Variants in CARMIL1 observed in about 807,000 individuals in gnomAD.
CARMIL1 encodes capping protein regulator and myosin 1 linker 1, also known as F-actin-uncapping protein LRRC16A.
Under a neutral mutation model 177.1 loss-of-function variants are expected in CARMIL1, and 90 were observed. That is an observed-to-expected ratio of 0.51 (90% CI 0.43 to 0.61). The LOEUF (loss-of-function observed/expected upper bound fraction) is 0.61, where lower values mean the gene tolerates loss of function less well. Among genes scored for constraint, CARMIL1 ranks in the 20% least tolerant of loss-of-function variants. CARMIL1 has a pLI of 0.00. For synonymous variants in CARMIL1, 577 were observed against 606.2 expected (o/e 0.95, Z 0.71); for missense variants, 1,380 against 1,667.0 (o/e 0.83, Z 3.00).
intron 2 of CARMIL1, among the ~76,000 whole-genome samples, chr6:25,365,852 C>T (rs1356188833): frequency 1.3e-5 from 2 of 152,182 alleles, no homozygotes; most frequent in African/African-American, 4.8e-5. Flanking sequence ...AGCCACCATG[C>T]CTGACCATAA....
At chr6:25,574,626 T>TA (rs1372176281) in intron 29 of CARMIL1, among the ~76,000 whole-genome samples, 1 of 152,256 alleles carries the variant, frequency 6.6e-6, no homozygotes, top group Non-Finnish European at 1.5e-5. Flanking sequence ...TGTTCAAACA[T>TA]ACGTGTATTC....
At chr6:25,442,468 A>ATGTGTGTGTGTGTGTGTGTATG (rs5875041) in intron 5 of CARMIL1, among the ~76,000 whole-genome samples, 58 of 148,984 alleles carry the variant, frequency 3.9e-4, no homozygotes, top group African/African-American at 1.4e-3. Flanking sequence ...GTGTGTGTGT[A>ATGTGTGTGTGTGTGTGTGTATG]TGTGTGTGTG....
intron 2 of CARMIL1, among the ~76,000 whole-genome samples, chr6:25,307,144 G>A (rs1012683827): frequency 4.6e-5 from 7 of 152,186 alleles, no homozygotes; most frequent in African/African-American, 1.7e-4. Context: ...GTCTCCCAAA[G>A]TGCTGGGATT....
intron 13 of CARMIL1, among the ~76,000 whole-genome samples, chr6:25,489,854 T>C (rs922528920): frequency 9.2e-5 from 14 of 152,108 alleles, no homozygotes; most frequent in African/African-American, 2.7e-4. Flanking sequence ...TTCATAAATC[T>C]GCTCCCCCCC....
At chr6:25,313,174 A>C (rs1783974293) in intron 2 of CARMIL1, among the ~76,000 whole-genome samples, 1 of 151,764 alleles carries the variant, frequency 6.6e-6, no homozygotes, top group African/African-American at 2.4e-5. Context: ...CATAGTAAAC[A>C]CAGTTATCTT....
chr6:25,513,569 T>A (rs1805659619), intron 20 of CARMIL1, among the ~76,000 whole-genome samples: 1 of 152,228 alleles, frequency 6.6e-6, no homozygotes, highest in Non-Finnish European at 1.5e-5. Context: ...TGCATAATGA[T>A]GCTTTGTTGA....
chr6:25,391,042 A>G (rs1217991768), intron 2 of CARMIL1, among the ~76,000 whole-genome samples: 3 of 152,246 alleles, frequency 2.0e-5, no homozygotes, highest in African/African-American at 7.2e-5. Flanking sequence ...CAAGCTTGTG[A>G]AAAAACTTTA....
rs1216063355 is a variant in CARMIL1 at position 25,438,218 on chromosome 6, ACTAGTACACAT to A, written c.371+2616_371+2626del. 3.3e-5 allele frequency among the ~76,000 whole-genome samples: 5 copies of A among 152,310 alleles called. No homozygotes were observed. The South Asian group carries it at 1.0e-3, about 32-fold the overall frequency. On this transcript the variant is annotated intron_variant, in intron 5 of 36. Coordinates refer to ENST00000329474, the MANE Select transcript of CARMIL1 (RefSeq NM_017640.6). ...CAAAGAACTTTGGATCACTTCCTGC[ACTAGTACACAT>A]CATACTGTGTTGTAAGTGCTTGTTC...
chr6:25,315,645 T>C (rs78157472), intron 2 of CARMIL1, among the ~76,000 whole-genome samples: 11,515 of 152,332 alleles, frequency 0.076, 793 homozygotes, highest in East Asian at 0.38. Context: ...ATTCTTTCTA[T>C]GACAAAATGC....
At chr6:25,460,122 G>A (rs934614299) in intron 8 of CARMIL1, among the ~76,000 whole-genome samples, 1 of 152,210 alleles carries the variant, frequency 6.6e-6, no homozygotes, top group Non-Finnish European at 1.5e-5. Context: ...GGAAGGATCT[G>A]TCCTGCCATA....
At chr6:25,539,419 T>C (rs1322512191) in intron 25 of CARMIL1, among the ~76,000 whole-genome samples, 1 of 151,696 alleles carries the variant, frequency 6.6e-6, no homozygotes, top group Non-Finnish European at 1.5e-5. Flanking sequence ...ACAGAAGTGT[T>C]GTGAGTAAAA....
intron 2 of CARMIL1, among the ~76,000 whole-genome samples, chr6:25,339,179 C>A (rs1269079287): frequency 1.3e-5 from 2 of 152,130 alleles, no homozygotes; most frequent in Non-Finnish European, 2.9e-5. Flanking sequence ...TCATACACAC[C>A]CACTATCTCC....
Position 25,313,683 on chromosome 6 carries a change from G to GCATGTATATATATATATATATATATA in CARMIL1, c.138+28774_138+28775insCATGTATATATATATATATATATATA. Among the ~76,000 whole-genome samples, 4 of 133,862 alleles carry GCATGTATATATATATATATATATATA rather than the reference G, an allele frequency of 3.0e-5. No individual in the cohort carries two copies. The South Asian group carries it at 1.1e-3, about 35-fold the overall frequency. 87.8% of individuals were successfully genotyped at this position (133,862 alleles called of 152,430 possible). A position where few individuals can be genotyped will look rare whatever the true frequency, so the allele number is the denominator to read the frequency against. On this transcript the variant is annotated intron_variant, in intron 2 of 36. Transcript: ENST00000329474. ...TAAAGATCTTTACCCAGGGAAGGCT[G>GCATGTATATATATATATATATATATA]TATATATACAGTTATTTGGGAGAAA... is the stretch of plus-strand genomic sequence containing the variant.
At chr6:25,424,172 T>G (rs2150712812) in intron 3 of CARMIL1, among the ~76,000 whole-genome samples, 1 of 152,300 alleles carries the variant, frequency 6.6e-6, no homozygotes, top group East Asian at 1.9e-4. Flanking sequence ...CAGGATCTGC[T>G]CCTTTTAGTT....
At chr6:25,399,449 G>A (rs1221532649) in intron 2 of CARMIL1, among the ~76,000 whole-genome samples, 1 of 152,192 alleles carries the variant, frequency 6.6e-6, no homozygotes, top group African/African-American at 2.4e-5. Context: ...TTTATGTTTG[G>A]TGACTGGATA....
chr6:25,498,913 C>CAAAGGACACTGTTTTAGAATA (rs1410902339), intron 16 of CARMIL1, among the ~76,000 whole-genome samples: 12 of 152,162 alleles, frequency 7.9e-5, no homozygotes, highest in African/African-American at 2.9e-4. Context: ...CAGTCTTTCT[C>CAAAGGACACTGTTTTAGAATA]AAAGGACACT....
Position 25,577,139 on chromosome 6 carries a change from T to G in CARMIL1, c.2743-3785T>G. ...AGATCCTGAATGAAATAGGCAACAA[T>G]TTAGAGACAAGATTGGATTTTGCAA... is the stretch of plus-strand genomic sequence containing the variant. On this transcript the variant is annotated intron_variant, in intron 29 of 36. Coordinates refer to ENST00000329474, the MANE Select transcript of CARMIL1 (RefSeq NM_017640.6). This position sits in a 1 kb window ranked among gnomAD's most constrained non-coding sequence, Gnocchi z 4.5. The G allele has an allele frequency of 1.0e-6, 1 of 985,240 alleles. No homozygotes were observed. The highest frequency in any genetic ancestry group is 4.7e-5 in the South Asian group (1 of 21,272). The allele number at this position is 985,240 out of a possible 1,614,324, so 61.0% of individuals were successfully genotyped here. A position where few individuals can be genotyped will look rare whatever the true frequency, so the allele number is the denominator to read the frequency against.
intron 8 of CARMIL1, chr6:25,451,986 G>GCTCCC: frequency 2.7e-5 from 3 of 112,668 alleles, no homozygotes; most frequent in Non-Finnish European, 5.2e-5. Flanking sequence ...CTAGCATCTT[G>GCTCCC]CCCCCCCCTC....
chr6:25,407,549 C>T (rs1210029030), intron 2 of CARMIL1, among the ~76,000 whole-genome samples: 2 of 152,032 alleles, frequency 1.3e-5, no homozygotes, highest in Non-Finnish European at 2.9e-5. Flanking sequence ...GAGGGAAAGT[C>T]ATCTTCCCAG....
Sources: allele counts gnomAD v4.1 joint callset (sites outside exome capture counted in the v4.1 genomes callset), GRCh38; gene constraint gnomAD v4.1.1; non-coding constraint Gnocchi (gnomAD v3.1); transcripts MANE v1.5; gene names NCBI Gene and HGNC (gene_info 2026-07-23, HGNC 2026-07-21).